TTN: variants seen among roughly 807,000 people sequenced by gnomAD.
TTN encodes titin.
A neutral mutation model predicts 3,223.0 loss-of-function variants in TTN; 1,525 were observed. The ratio of observed to expected loss-of-function variants is 0.47; its 90% CI spans 0.45 to 0.49. The LOEUF is 0.49. Ranked by LOEUF, TTN falls within the 20% of genes least tolerant of loss-of-function variation. TTN has a pLI of 0.00. For missense variants in TTN, 40,786 were observed against 43,424.0 expected (o/e 0.94, Z 5.40); for synonymous variants, 14,094 against 15,161.0 (o/e 0.93, Z 5.17).
In TTN at chr2:178,574,833, G is replaced by T. The variant is rs532157196; in HGVS notation, c.71299C>A (p.Arg23767=). ...VPISNYVVEM[R]QTDSTTWVEL... Reference sequence around the variant, plus strand: ...ACCCAGGTAGTACTGTCAGTCTGCCGCATTTCCACTACATAGTTGCTTATT... The same window carrying T: ...ACCCAGGTAGTACTGTCAGTCTGCCTCATTTCCACTACATAGTTGCTTATT... The change falls in exon 326 of 363, where the codon CGG becomes AGG. Residue 23767 remains arginine, a synonymous_variant. Transcript: ENST00000589042. 1 of 1,612,890 alleles carries T rather than the reference G, an allele frequency of 6.2e-7. No homozygotes were observed. Among genetic ancestry groups the T allele is most frequent in the Non-Finnish European group, 8.5e-7 (1 of 1,179,374 alleles).
In TTN at chr2:178,785,914, T is replaced by C; in HGVS notation, c.2304A>G (p.Val768=). The part of the protein sequence containing the change: ...HVVPKAVKPR[V]IQAPSETHIK... ...TATGAGTCTCAGAAGGAGCCTGGAT[T>C]ACTCTAGGCTTGACTGCTTTAGGGA... The change falls in exon 14 of 363, where the codon GTA becomes GTG. Residue 768 remains valine (V), a synonymous_variant. Coordinates refer to ENST00000589042, the MANE Select transcript of TTN (RefSeq NM_001267550.2). 1 of 1,614,144 alleles carries C rather than the reference T, an allele frequency of 6.2e-7. No homozygotes were observed. Among genetic ancestry groups the C allele is most frequent in the Non-Finnish European group, 8.5e-7 (1 of 1,180,002 alleles).
chr2:178,714,656 A>G, intron 90 of TTN, 83 bp from the exon 91 acceptor site: 1 of 1,397,716 alleles, frequency 7.2e-7, no homozygotes, highest in Non-Finnish European at 9.5e-7. Context: ...CCGGGAATCA[A>G]ACTAGTGATA....
intron 282 of TTN, 129 bp downstream of exon 282, chr2:178,603,747 C>T (rs2054080641): frequency 1.1e-6 from 1 of 952,122 alleles, no homozygotes; most frequent in South Asian, 2.2e-5. Context: ...TCTATGTGAA[C>T]ATGAACCTTT....
chr2:178,552,275 C>G lies in TTN; in HGVS notation c.90625G>C (p.Ala30209Pro). Residue 30209 changes from alanine to proline, a missense_variant, in exon 335 of 363, where the codon GCA (alanine) becomes CCA (proline). Transcript: ENST00000589042. ...ATGGGGACTGCAATTCTACACACTG[C>G]ATTATCAAGAATAACAGTGTATTTT... ...GGKYTVILDNAVCRIAVPITV... is the reference protein window; with the variant it reads ...GGKYTVILDNPVCRIAVPITV... 1 of 1,613,524 alleles carries G rather than the reference C, an allele frequency of 6.2e-7. No homozygotes were observed. The highest frequency in any genetic ancestry group is 1.7e-4 in the Middle Eastern group (1 of 6,054).
chr2:178,718,882 A>C lies in TTN; in HGVS notation c.24318T>G (p.Pro8106=). The change falls in exon 84 of 363, where the codon CCT becomes CCG. Residue 8106 remains proline, a synonymous_variant. Transcript: ENST00000589042. ...TFTSVIRGTP[P]FKVKWFKGSR... ...TGCCTTTAAACCACTTGACCTTGAA[A>C]GGAGGGGTGCCTCTGATGACACTGG... 1 of 1,613,596 alleles carries C rather than the reference A, an allele frequency of 6.2e-7. No homozygotes were observed. Among genetic ancestry groups the C allele is most frequent in the East Asian group, 2.2e-5 (1 of 44,810 alleles).
At chr2:178,722,629 G>T (rs562796351) in intron 76 of TTN, 30 bp downstream of exon 76, 17 of 1,593,114 alleles carry the variant, frequency 1.1e-5, no homozygotes, top group African/African-American at 8.1e-5. Flanking sequence ...AAGGAAAAAA[G>T]AATTTTTTTA....
Position 178,740,104 on chromosome 2 carries a change from G to T in TTN, c.13129C>A (p.Leu4377Ile). 1.9e-6 allele frequency: 3 copies of T among 1,613,822 alleles called. No homozygotes were observed. The highest frequency in any genetic ancestry group is 2.5e-6 in the Non-Finnish European group (3 of 1,179,818). ...GAAAGCAAGCTTTCCTTAGAAAGAA[G>T]GTCCCTTCCCTGTACCTCCTGCACT... ...KKVQEVQGRDLLSKESLLSGI... is the reference protein window; with the variant it reads ...KKVQEVQGRDILSKESLLSGI... The change falls in exon 48 of 363, where the codon CTT becomes ATT. Residue 4377 changes from leucine to isoleucine, a missense_variant. Coordinates refer to ENST00000589042, the MANE Select transcript of TTN (RefSeq NM_001267550.2).
In TTN at chr2:178,532,843, C is replaced by T. The variant is rs778021095; in HGVS notation, c.103772G>A (p.Arg34591Gln). 2.2e-5 allele frequency: 35 copies of T among 1,613,774 alleles called. No homozygotes were observed. Among genetic ancestry groups the T allele is most frequent in the Admixed American group, 6.7e-5 (4 of 60,002 alleles). The stretch of plus-strand genomic sequence containing the variant: ...TCTTGAAAGGCGGATGCGCTTGGGT[C>T]GTTTCTGTACAACTCTGTCAAGTTT... ...PGKLDRVVQK[R>Q]PKRIRLSRWE... Residue 34591 changes from arginine (R) to glutamine (Q), a missense_variant, in exon 358 of 363, where the codon CGA (arginine) becomes CAA (glutamine). Coordinates refer to ENST00000589042, the MANE Select transcript of TTN (RefSeq NM_001267550.2).
Position 178,784,069 on chromosome 2 carries a change from C to A in TTN, c.2775+1G>T, listed in dbSNP as rs1057346353. On this transcript the variant is annotated splice_donor_variant, in intron 16 of 362. Transcript: ENST00000589042. LOFTEE classifies it high-confidence loss of function. ...GTAACAGCGGGTAACCAGTGACCAA[C>A]CTTGGCTTCGCGTCCGTGCAGTACT... 1 of 1,612,746 alleles carries A rather than the reference C, an allele frequency of 6.2e-7. No homozygotes were observed. The highest frequency in any genetic ancestry group is 8.5e-7 in the Non-Finnish European group (1 of 1,179,920).
At chr2:178,749,739 C>T in intron 47 of TTN, 1 of 1,612,928 alleles carries the variant, frequency 6.2e-7, no homozygotes. Flanking sequence ...TGAGAATTAA[C>T]ATCCTTAATA....
intron 223 of TTN, 97 bp downstream of exon 223, chr2:178,639,602 G>T: frequency 8.2e-7 from 1 of 1,225,238 alleles, no homozygotes; most frequent in Non-Finnish European, 1.2e-6. Context: ...TGATACCTAT[G>T]TTGCAGCATA....
chr2:178,628,205 GTTGT>G (rs937077752), intron 240 of TTN, among the ~76,000 whole-genome samples: 2 of 151,922 alleles, frequency 1.3e-5, no homozygotes, highest in Admixed American at 6.6e-5. Flanking sequence ...TGTTGTTGTT[GTTGT>G]TTGTTTGTTT....
chr2:178,553,865 G>A, intron 333 of TTN, 49 bp downstream of exon 333: 1 of 1,562,188 alleles, frequency 6.4e-7, no homozygotes, highest in Admixed American at 1.8e-5. Context: ...TAGTCACACA[G>A]GTGAATATAG....
Position 178,592,435 on chromosome 2 carries a change from A to G in TTN, c.59570T>C (p.Leu19857Ser), listed in dbSNP as rs547180437. ...AAHEDGGIYS[L>S]TVENPAGSKT... ...TGAACCAGCTGGATTCTCCACTGTT[A>G]AAGAATAAATTCCACCATCTTCATG... The change falls in exon 301 of 363, where the codon TTA becomes TCA. Residue 19857 changes from leucine (L) to serine (S), a missense_variant. Coordinates refer to ENST00000589042, the MANE Select transcript of TTN (RefSeq NM_001267550.2). 25 of 1,613,504 alleles carry G rather than the reference A, an allele frequency of 1.5e-5. No individual in the cohort carries two copies. The highest frequency in any genetic ancestry group is 4.5e-5 in the East Asian group (2 of 44,782).
rs1314245401 is a variant in TTN, at chr2:178,566,367, C to T, written c.79765G>A (p.Ala26589Thr). ...GTVKPEDKLE[A>T]PELDLDSELR... ...TCGGAGTCAAGGTCAAGTTCAGGTG[C>T]TTCAAGTTTATCTTCTGGTTTCACA... is the stretch of plus-strand genomic sequence containing the variant. Residue 26589 changes from alanine to threonine, a missense_variant, in exon 326 of 363, where the codon GCA becomes ACA. By Grantham distance (58) the Ala-to-Thr change is moderately conservative (BLOSUM62 0). Transcript: ENST00000589042. The T allele has an allele frequency of 3.1e-6, 5 of 1,613,518 alleles. No homozygotes were observed. The African/African-American group carries it at 4.0e-5, about 13-fold the overall frequency.
intron 313 of TTN, 23 bp from the exon 314 acceptor site, chr2:178,582,615 T>G (rs548205525): frequency 1.3e-6 from 2 of 1,579,016 alleles, no homozygotes; most frequent in South Asian, 1.2e-5. Context: ...GGAAGAAGAG[T>G]GAATATGTGG....
intron 37 of TTN, among the ~76,000 whole-genome samples, chr2:178,769,372 G>A (rs2091099907): frequency 1.3e-5 from 2 of 152,084 alleles, no homozygotes; most frequent in Admixed American, 1.3e-4. Flanking sequence ...TCCCACCTCA[G>A]CCTCCTGAGT....
Position 178,768,029 on chromosome 2 carries a change from A to G in TTN, c.9290T>C (p.Leu3097Pro), listed in dbSNP as rs373366126. The change falls in exon 39 of 363, where the codon CTG becomes CCG. Residue 3097 changes from leucine to proline, a missense_variant. By Grantham distance (98) the Leu-to-Pro change is moderately conservative (BLOSUM62 -3). Transcript: ENST00000589042. The part of the protein sequence containing the change: ...TVQWMKDDQE[L>P]QITDRIKIQK... Reference sequence around the variant, plus strand: ...AACAACTGACCTGTCTGTGATCTGCAGTTCCTGGTCATCTTTCATCCACTG... The same window carrying G: ...AACAACTGACCTGTCTGTGATCTGCGGTTCCTGGTCATCTTTCATCCACTG... 1.2e-4 allele frequency: 193 copies of G among 1,614,032 alleles called. No homozygotes were observed. The highest frequency in any genetic ancestry group is 1.6e-4 in the Non-Finnish European group (183 of 1,180,028).
Position 178,551,900 on chromosome 2 carries a change from A to G in TTN, c.91000T>C (p.Tyr30334His). 1 of 1,613,860 alleles carries G rather than the reference A, an allele frequency of 6.2e-7. No individual in the cohort carries two copies. Among genetic ancestry groups the G allele is most frequent in the Non-Finnish European group, 8.5e-7 (1 of 1,179,788 alleles). ...GACATGCCATCAGAAGTCACATTGT[A>G]TATAACTGGCTTTCCTGGGGGACCA... ...IPGPPGKPVI[Y>H]NVTSDGMSLT... The change falls in exon 335 of 363, where the codon TAC becomes CAC. Residue 30334 changes from tyrosine to histidine, a missense_variant. Transcript: ENST00000589042.
Sources: gnomAD v4.1 joint callset for allele counts (sites outside exome capture counted in the v4.1 genomes callset) on GRCh38, gnomAD v4.1.1 for gene constraint, MANE v1.5 for transcripts, NCBI Gene and HGNC (gene_info 2026-07-23, HGNC 2026-07-21) for gene names.